MTMR7: variants seen among roughly 807,000 people sequenced by gnomAD.
The protein encoded by MTMR7 is myotubularin related protein 7, also known as phosphatidylinositol-3-phosphate phosphatase MTMR7.
MTMR7 carries 76 observed loss-of-function variants against 81.2 expected under a neutral mutation model. That is an observed-to-expected ratio of 0.94 (90% CI 0.78 to 1.13). MTMR7 has a LOEUF of 1.13. MTMR7 is among the 50% of genes most tolerant of loss of function. MTMR7 has a pLI of 0.00. For missense variants in MTMR7, 1,044 were observed against 820.0 expected (o/e 1.27, Z -3.34); for synonymous variants, 372 against 289.8 (o/e 1.28, Z -2.88).
intron 3 of MTMR7, 136 bp downstream of exon 3, chr8:17,370,901 T>G: frequency 1.2e-6 from 1 of 834,784 alleles, no homozygotes; most frequent in Non-Finnish European, 1.8e-6. Context: ...TCATTCGGGC[T>G]TATCCTCTCC....
chr8:17,412,717 A>AATAT (rs1821769154), intron 1 of MTMR7, among the ~76,000 whole-genome samples: 2 of 152,168 alleles, frequency 1.3e-5, no homozygotes, highest in African/African-American at 2.4e-5. Flanking sequence ...TCAACCTACA[A>AATAT]TGAATATTGA....
At chr8:17,314,252 A>G (rs1024858518) in intron 7 of MTMR7, among the ~76,000 whole-genome samples, 1 of 152,188 alleles carries the variant, frequency 6.6e-6, no homozygotes, top group Non-Finnish European at 1.5e-5. Flanking sequence ...CAATCAACCA[A>G]TGAAATTCAA....
chr8:17,331,030 A>C, intron 7 of MTMR7, 120 bp downstream of exon 7: 1 of 1,207,508 alleles, frequency 8.3e-7, no homozygotes, highest in Non-Finnish European at 1.1e-6. Context: ...CTGTAACATG[A>C]TATTCTTCCC....
At chr8:17,313,537 TA>T (rs1817903762) in intron 7 of MTMR7, 136 bp from the exon 8 acceptor site, 1 of 562,304 alleles carries the variant, frequency 1.8e-6, no homozygotes, top group Non-Finnish European at 3.1e-6. Context: ...TAAGTCAAAA[TA>T]AATACCCACG....
chr8:17,347,721 G>C (rs545614902), intron 5 of MTMR7, among the ~76,000 whole-genome samples: 1 of 152,194 alleles, frequency 6.6e-6, no homozygotes, highest in African/African-American at 2.4e-5. Context: ...TTGCTCATCC[G>C]AATTTGTTTT....
chr8:17,399,992 T>C (rs1485037274), intron 1 of MTMR7, among the ~76,000 whole-genome samples: 1 of 152,204 alleles, frequency 6.6e-6, no homozygotes, highest in Non-Finnish European at 1.5e-5. Flanking sequence ...ATATACATTT[T>C]AAAGATTTTT....
chr8:17,315,614 T>C (rs945506755), intron 7 of MTMR7, among the ~76,000 whole-genome samples: 1 of 152,066 alleles, frequency 6.6e-6, no homozygotes, highest in African/African-American at 2.4e-5. Flanking sequence ...TTGCTGTGAA[T>C]CTAAAACTGC....
chr8:17,337,300 G>T (rs532660149), intron 6 of MTMR7, among the ~76,000 whole-genome samples: 1 of 151,366 alleles, frequency 6.6e-6, no homozygotes, highest in Non-Finnish European at 1.5e-5. Context: ...GGGAGATGGA[G>T]GTTGCAGTGA....
At position 17,304,746 on chromosome 8, in the gene MTMR7, CGTGTGTGT is replaced by C. The variant is rs10527892; in HGVS notation, c.1353-235_1353-228del. On this transcript the variant is annotated intron_variant, in intron 11 of 13. Transcript: ENST00000180173. ...ACTGGCCTTGACAAGGTGTTCGATT[CGTGTGTGT>C]GTGTGTGTGTGTGTTAAGCTGTTCT... Among the ~76,000 whole-genome samples the C allele has an allele frequency of 2.9e-4, 43 of 147,086 alleles. 1 individual carries two copies. The East Asian group carries it at 5.8e-3, about 20-fold the overall frequency.
chr8:17,358,360 C>G (rs1819958628), intron 4 of MTMR7, among the ~76,000 whole-genome samples: 1 of 152,062 alleles, frequency 6.6e-6, no homozygotes, highest in Admixed American at 6.6e-5. Flanking sequence ...AGCAGATGTC[C>G]TTAATCATTA....
At chr8:17,327,977 T>C (rs907057475) in intron 7 of MTMR7, among the ~76,000 whole-genome samples, 3 of 152,336 alleles carry the variant, frequency 2.0e-5, no homozygotes, top group Middle Eastern at 3.4e-3. Context: ...AAAATACTTA[T>C]GAAGTGTGGC....
chr8:17,317,214 T>A (rs1214510841), intron 7 of MTMR7, among the ~76,000 whole-genome samples: 1 of 152,200 alleles, frequency 6.6e-6, no homozygotes, highest in Non-Finnish European at 1.5e-5. Context: ...TCCATTCACA[T>A]GTAAGAGCAA....
At chr8:17,322,653 C>T (rs1818454338) in intron 7 of MTMR7, among the ~76,000 whole-genome samples, 2 of 151,896 alleles carry the variant, frequency 1.3e-5, no homozygotes, top group African/African-American at 4.8e-5. Context: ...GACCCCATCT[C>T]TACAAAAAAT....
intron 1 of MTMR7, among the ~76,000 whole-genome samples, chr8:17,378,868 T>C (rs1019418877): frequency 1.3e-5 from 2 of 152,188 alleles, no homozygotes; most frequent in African/African-American, 2.4e-5. Flanking sequence ...CTTAGATTTG[T>C]TGAAATGTGA....
chr8:17,386,879 G>C (rs1368314634), intron 1 of MTMR7, among the ~76,000 whole-genome samples: 2 of 152,182 alleles, frequency 1.3e-5, no homozygotes, highest in Non-Finnish European at 2.9e-5. Context: ...TGGCTCCTCA[G>C]AGGGAGCCTG....
In MTMR7 at chr8:17,338,935, T is replaced by C. The variant is rs1259618421; in HGVS notation, c.732+2428A>G. ...ACTTCTCTCCCGCTGTGTGCTTTGCTCCGAAGAAGACTGGATGGTTCTGAG... is the reference window on the plus strand; with the variant it reads ...ACTTCTCTCCCGCTGTGTGCTTTGCCCCGAAGAAGACTGGATGGTTCTGAG... On this transcript the variant is annotated intron_variant, in intron 6 of 13. Transcript: ENST00000180173. The C allele has an allele frequency of 3.3e-5, 5 of 152,116 alleles. No homozygotes were observed. The East Asian group carries it at 9.7e-4, about 30-fold the overall frequency. 9.4% of individuals were successfully genotyped at this position (152,116 alleles called of 1,614,324 possible). A position where few individuals can be genotyped will look rare whatever the true frequency, so the allele number is the denominator to read the frequency against.
At chr8:17,304,294 G>A in intron 12 of MTMR7, 85 bp downstream of exon 12, 1 of 1,474,772 alleles carries the variant, frequency 6.8e-7, no homozygotes. Flanking sequence ...AAAGATCAGT[G>A]TCATACACTT....
chr8:17,341,406 T>A lies in MTMR7; in HGVS notation c.689A>T (p.Asn230Ile). The change falls in exon 6 of 14, where the codon AAT becomes ATT. Residue 230 changes from asparagine (N) to isoleucine (I), a missense_variant. Physicochemically the swap from Asn to Ile is moderately radical, Grantham distance 149. Coordinates refer to ENST00000180173, the MANE Select transcript of MTMR7 (RefSeq NM_004686.5). ...GACATAAACGAAGTCACTTCCTGGA[T>A]TGGCTTTCCTAATGGCCTGGAGCAT... is the stretch of plus-strand genomic sequence containing the variant. ...EQMLQAIRKANPGSDFVYVVD... is the reference protein window; with the variant it reads ...EQMLQAIRKAIPGSDFVYVVD... 6.2e-7 allele frequency: 1 copy of A among 1,614,224 alleles called. No individual in the cohort carries two copies. The highest frequency in any genetic ancestry group is 8.5e-7 in the Non-Finnish European group (1 of 1,180,036).
At chr8:17,339,524 C>T (rs548990778) in intron 6 of MTMR7, among the ~76,000 whole-genome samples, 1 of 152,338 alleles carries the variant, frequency 6.6e-6, no homozygotes, top group African/African-American at 2.4e-5. Flanking sequence ...TTGTGACAGA[C>T]TTCTTCCTCT....
Sources: allele counts gnomAD v4.1 joint callset (sites outside exome capture counted in the v4.1 genomes callset), GRCh38; gene constraint gnomAD v4.1.1; transcripts MANE v1.5; gene names NCBI Gene and HGNC (gene_info 2026-07-23, HGNC 2026-07-21).